Variants in NREP observed in about 807,000 individuals in gnomAD.
The protein encoded by NREP is neuronal regeneration-related protein.
In NREP, 5 loss-of-function variants were observed where a neutral mutation model predicts 8.6. That is an observed-to-expected ratio of 0.58 (90% CI 0.30 to 1.22). The LOEUF is 1.22. Ranked by LOEUF, NREP falls within the 50% of genes most tolerant of loss-of-function variation. The pLI, the probability that NREP is intolerant of heterozygous loss-of-function variation, is 0.07. For missense variants in NREP, 86 were observed against 82.5 expected (o/e 1.04, Z -0.17); for synonymous variants, 27 against 28.0 (o/e 0.96, Z 0.11).
intron 2 of NREP, among the ~76,000 whole-genome samples, chr5:111,770,134 T>C (rs1751182928): frequency 6.6e-6 from 1 of 152,204 alleles, no homozygotes; most frequent in African/African-American, 2.4e-5. Flanking sequence ...TTGTAAACCT[T>C]CTGCTGGCTT....
intron 2 of NREP, among the ~76,000 whole-genome samples, chr5:111,872,195 C>T (rs985671986): frequency 2.6e-5 from 4 of 152,120 alleles, no homozygotes; most frequent in Admixed American, 6.6e-5. Context: ...TTGATGGTGT[C>T]GTTCCAGTCC....
At chr5:111,757,745 C>A, upstream of NREP, 2 of 984,042 alleles carry the variant, frequency 2.0e-6, no homozygotes, top group Non-Finnish European at 2.4e-6. Context: ...GGGAGCACGG[C>A]GCGCGCAAAT....
At chr5:111,910,865 T>C (rs925393399) in intron 2 of NREP, among the ~76,000 whole-genome samples, 2 of 152,124 alleles carry the variant, frequency 1.3e-5, no homozygotes, top group South Asian at 4.1e-4. Context: ...GACTAGTTCA[T>C]GGATAGCTGC....
At chr5:111,936,691 T>C (rs1755692407) in intron 2 of NREP, among the ~76,000 whole-genome samples, 1 of 152,064 alleles carries the variant, frequency 6.6e-6, no homozygotes, top group African/African-American at 2.4e-5. Flanking sequence ...TTGTCCCAAA[T>C]GCATGACTAC....
chr5:111,877,592 G>A (rs1481524496), intron 2 of NREP, among the ~76,000 whole-genome samples: 2 of 152,182 alleles, frequency 1.3e-5, no homozygotes, highest in Non-Finnish European at 2.9e-5. Context: ...AAATGGAAAT[G>A]AAAATCTTAT....
At position 111,822,298 on chromosome 5, in the gene NREP, T is replaced by A. The variant is rs73789512; in HGVS notation, c.136-86791A>T. ...TGGTGTCACTTTTCCCTGGAGTTAT[T>A]TGTAAACTTACAACAGATAACTAAA... is the stretch of plus-strand genomic sequence containing the variant. On this transcript the variant is annotated intron_variant, in intron 2 of 3. Transcript: ENST00000395634. 7.3e-3 allele frequency among the ~76,000 whole-genome samples: 1,118 copies of A among 152,316 alleles called. 18 individuals are homozygous for A. Among genetic ancestry groups the A allele is most frequent in the African/African-American group, 0.026 (1,070 of 41,558 alleles).
At chr5:111,931,027 G>A (rs1350910525) in intron 2 of NREP, among the ~76,000 whole-genome samples, 2 of 152,134 alleles carry the variant, frequency 1.3e-5, no homozygotes, top group African/African-American at 2.4e-5. Flanking sequence ...AGCATGGCAG[G>A]GTAGAAGACA....
intron 2 of NREP, chr5:111,846,419 G>GTTTTTTTT (rs1753168991): frequency 2.6e-5 from 1 of 37,744 alleles, no homozygotes. Flanking sequence ...CTTTTTGTTT[G>GTTTTTTTT]CTTTTTTTTT....
chr5:111,947,914 C>G (rs1288105800), intron 2 of NREP, among the ~76,000 whole-genome samples: 1 of 151,934 alleles, frequency 6.6e-6, no homozygotes, highest in African/African-American at 2.4e-5. Context: ...ACTTCTCTGC[C>G]CCATTTACTA....
chr5:111,969,487 G>A (rs752302602), intron 2 of NREP: 10 of 152,172 alleles, frequency 6.6e-5, no homozygotes, highest in Non-Finnish European at 1.5e-4. Context: ...CCATAATAAA[G>A]AAGATAAACG....
intron 2 of NREP, among the ~76,000 whole-genome samples, chr5:111,789,671 A>G (rs1045538996): frequency 6.6e-6 from 1 of 152,190 alleles, no homozygotes; most frequent in Non-Finnish European, 1.5e-5. Context: ...CTTTCAGTAC[A>G]GCTGTAGATT....
chr5:111,915,793 T>C (rs1236031300), intron 2 of NREP, among the ~76,000 whole-genome samples: 1 of 152,164 alleles, frequency 6.6e-6, no homozygotes, highest in Non-Finnish European at 1.5e-5. Context: ...ATTGAGTCTA[T>C]TTCATTTTTT....
upstream of NREP, among the ~76,000 whole-genome samples, chr5:111,758,960 AC>A (rs1750890793): frequency 6.6e-6 from 1 of 152,240 alleles, no homozygotes; most frequent in Non-Finnish European, 1.5e-5. Context: ...TTAATCTAAA[AC>A]ATCACAGTAA....
At chr5:111,930,826 G>A (rs1475546249) in intron 2 of NREP, among the ~76,000 whole-genome samples, 1 of 152,166 alleles carries the variant, frequency 6.6e-6, no homozygotes, top group Non-Finnish European at 1.5e-5. Context: ...TGACACAGAT[G>A]TGGTCAAGGA....
intron 2 of NREP, among the ~76,000 whole-genome samples, chr5:111,847,383 C>T (rs761244502): frequency 9.9e-5 from 15 of 152,118 alleles, no homozygotes; most frequent in African/African-American, 1.4e-4. Context: ...GTAACCCTCA[C>T]GGCCCAATCT....
rs139442598 is a variant in NREP at position 111,895,247 on chromosome 5, T to C, written c.135+80027A>G. 6.5e-3 allele frequency among the ~76,000 whole-genome samples: 996 copies of C among 152,134 alleles called. 8 individuals are homozygous for C. The highest frequency in any genetic ancestry group is 0.024 in the Middle Eastern group (7 of 294). On this transcript the variant is annotated intron_variant, in intron 2 of 3. Transcript: ENST00000395634. ...GGACAGAGTGGGGCTCAGGAATTGA[T>C]GGTAGTGAAAAATGAGTGAGGCTTC...
chr5:111,958,528 T>C (rs1286611385), intron 2 of NREP, among the ~76,000 whole-genome samples: 1 of 151,972 alleles, frequency 6.6e-6, no homozygotes, highest in African/African-American at 2.4e-5. Context: ...TACTTATTTT[T>C]ACACTTAATA....
chr5:111,875,004 A>G (rs1753871880), intron 2 of NREP, among the ~76,000 whole-genome samples: 1 of 152,166 alleles, frequency 6.6e-6, no homozygotes, highest in African/African-American at 2.4e-5. Context: ...TTTCCCAGTC[A>G]CTCATCTTTT....
At chr5:111,869,652 G>A (rs776354490) in intron 2 of NREP, among the ~76,000 whole-genome samples, 7 of 152,104 alleles carry the variant, frequency 4.6e-5, no homozygotes, top group Non-Finnish European at 8.8e-5. Context: ...GAAAGAAAAC[G>A]GAATCATGAG....
Sources: allele counts gnomAD v4.1 joint callset (sites outside exome capture counted in the v4.1 genomes callset), GRCh38; gene constraint gnomAD v4.1.1; transcripts MANE v1.5; gene names NCBI Gene and HGNC (gene_info 2026-07-23, HGNC 2026-07-21).